The following BICRAL variants were observed in gnomAD, a reference collection of about 807,000 sequenced individuals.
The protein encoded by BICRAL is BICRA like chromatin remodeling complex associated protein, also known as BRD4-interacting chromatin-remodeling complex-associated protein-like.
BICRAL carries 8 observed loss-of-function variants against 91.8 expected under a neutral mutation model. That is an observed-to-expected ratio of 0.09 (90% CI 0.05 to 0.16). BICRAL has a LOEUF of 0.16. BICRAL is among the 10% of genes least tolerant of loss of function. The pLI, the probability that BICRAL is intolerant of heterozygous loss-of-function variation, is 1.00. For synonymous variants in BICRAL, 445 were observed against 491.1 expected, an observed-to-expected ratio of 0.91 and a Z score of 1.24; for missense variants, 1,038 against 1,310.9, an observed-to-expected ratio of 0.79 and a Z score of 3.21.
chr6:42,834,579 C>A (rs1043206318), intron 6 of BICRAL, among the ~76,000 whole-genome samples: 3 of 151,964 alleles, frequency 2.0e-5, no homozygotes, highest in Non-Finnish European at 4.4e-5. Context: ...TTCCCTTTAC[C>A]TTTTTCTTTA....
chr6:42,821,465 G>T (rs1251463645), intron 2 of BICRAL, among the ~76,000 whole-genome samples: 1 of 152,172 alleles, frequency 6.6e-6, no homozygotes, highest in African/African-American at 2.4e-5. Flanking sequence ...TGTGGGACCG[G>T]CCGGCCAGAG....
At chr6:42,823,148 T>C (rs1426131550) in intron 5 of BICRAL, 145 bp downstream of exon 5, 1 of 573,748 alleles carries the variant, frequency 1.7e-6, no homozygotes, top group Non-Finnish European at 3.1e-6. Context: ...TATTTTGAGA[T>C]GGGGCCTCAC....
At chr6:42,844,132 G>A (rs1295497494) in intron 6 of BICRAL, among the ~76,000 whole-genome samples, 1 of 150,874 alleles carries the variant, frequency 6.6e-6, no homozygotes, top group Non-Finnish European at 1.5e-5. Context: ...AGCAATGGGA[G>A]TGGAGGAAAT....
intron 1 of BICRAL, among the ~76,000 whole-genome samples, chr6:42,771,694 G>A (rs1421739143): frequency 6.6e-6 from 1 of 152,004 alleles, no homozygotes; most frequent in Non-Finnish European, 1.5e-5. Flanking sequence ...TAACACCTTG[G>A]TTAAATTGTA....
At chr6:42,835,188 G>A (rs1209997947) in intron 6 of BICRAL, among the ~76,000 whole-genome samples, 1 of 151,812 alleles carries the variant, frequency 6.6e-6, no homozygotes, top group African/African-American at 2.4e-5. Context: ...GAGTGCAATG[G>A]CACGATATCT....
chr6:42,760,217 AC>A (rs771562079), intron 1 of BICRAL, among the ~76,000 whole-genome samples: 8 of 151,190 alleles, frequency 5.3e-5, no homozygotes, highest in Non-Finnish European at 1.2e-4. Context: ...CTGAGATTGC[AC>A]CATTGCACTC....
intron 6 of BICRAL, among the ~76,000 whole-genome samples, chr6:42,840,640 A>G (rs1764766234): frequency 2.0e-5 from 3 of 151,894 alleles, no homozygotes; most frequent in Non-Finnish European, 2.9e-5. Context: ...AGTTCAAGCA[A>G]TTCTCCTGCC....
chr6:42,820,313 A>G (rs979784017), intron 2 of BICRAL, among the ~76,000 whole-genome samples: 2 of 152,210 alleles, frequency 1.3e-5, no homozygotes, highest in Non-Finnish European at 2.9e-5. Flanking sequence ...AAATGAATTC[A>G]CAAAGGATAC....
At chr6:42,814,519 A>ATATATATATTTTTT (rs1237976324) in intron 2 of BICRAL, among the ~76,000 whole-genome samples, 1 of 80,234 alleles carries the variant, frequency 1.2e-5, no homozygotes, top group South Asian at 4.2e-4. Flanking sequence ...ATATATATAT[A>ATATATATATTTTTT]TTTTTTTTTT....
At chr6:42,808,388 C>T (rs563092630) in intron 1 of BICRAL, among the ~76,000 whole-genome samples, 1 of 152,262 alleles carries the variant, frequency 6.6e-6, no homozygotes, top group South Asian at 2.1e-4. Flanking sequence ...CCTCAGCCTC[C>T]CAAAGTGCTG....
At chr6:42,789,751 AGAG>A (rs1278323997) in intron 1 of BICRAL, among the ~76,000 whole-genome samples, 1 of 152,218 alleles carries the variant, frequency 6.6e-6, no homozygotes, top group Admixed American at 6.5e-5. Context: ...CTGAAACTAA[AGAG>A]AAAGTATCTC....
Position 42,829,411 on chromosome 6 carries a change from T to A in BICRAL, c.1078T>A (p.Ser360Thr), listed in dbSNP as rs746389896. 2 of 1,614,194 alleles carry A rather than the reference T, an allele frequency of 1.2e-6. No homozygotes were observed. The highest frequency in any genetic ancestry group is 1.7e-6 in the Non-Finnish European group (2 of 1,180,030). ...PQGSVVGPHM[S>T]VNIVNQQNTR... Reference sequence around the variant, plus strand: ...GGGCTCAGTAGTTGGTCCACACATGTCTGTGAACATTGTAAACCAACAGAA... The same window carrying A: ...GGGCTCAGTAGTTGGTCCACACATGACTGTGAACATTGTAAACCAACAGAA... Residue 360 changes from serine to threonine, a missense_variant, in exon 6 of 13, where the codon TCT (serine) becomes ACT (threonine). Ser to Thr is a moderately conservative substitution (Grantham distance 58, BLOSUM62 1). Around this residue, in one of 5 missense-constraint regions of BICRAL, gnomAD observed 532 missense variants for 724.9 expected, o/e 0.73. Coordinates refer to ENST00000314073, the MANE Select transcript of BICRAL (RefSeq NM_001393499.1).
At chr6:42,756,635 T>G (rs943752112) in intron 1 of BICRAL, among the ~76,000 whole-genome samples, 3 of 151,516 alleles carry the variant, frequency 2.0e-5, no homozygotes, top group Non-Finnish European at 4.4e-5. Flanking sequence ...GCCCCAGAGA[T>G]CTTTTTTTTT....
At chr6:42,841,392 T>C (rs1026265897) in intron 6 of BICRAL, among the ~76,000 whole-genome samples, 1 of 151,988 alleles carries the variant, frequency 6.6e-6, no homozygotes, top group Non-Finnish European at 1.5e-5. Context: ...TTTCACCATA[T>C]TGGCCAGGCT....
At chr6:42,757,997 C>T (rs570375945) in intron 1 of BICRAL, among the ~76,000 whole-genome samples, 1 of 152,196 alleles carries the variant, frequency 6.6e-6, no homozygotes, top group African/African-American at 2.4e-5. Context: ...TGACCATGCT[C>T]ATGACACCAA....
intron 1 of BICRAL, among the ~76,000 whole-genome samples, chr6:42,788,776 A>G (rs1300199105): frequency 6.6e-6 from 1 of 152,236 alleles, no homozygotes; most frequent in East Asian, 1.9e-4. Flanking sequence ...CAACAGGACA[A>G]GGAACTGAGT....
intron 6 of BICRAL, among the ~76,000 whole-genome samples, chr6:42,832,750 T>TAC (rs989523592): frequency 4.6e-5 from 7 of 151,724 alleles, no homozygotes; most frequent in African/African-American, 1.2e-4. Flanking sequence ...CACACAAACA[T>TAC]ACACACACAC....
chr6:42,810,510 A>T (rs1240865587), intron 2 of BICRAL, 109 bp downstream of exon 2: 7 of 152,244 alleles, frequency 4.6e-5, no homozygotes, highest in African/African-American at 1.4e-4. Context: ...AGCACAGAAC[A>T]ATTACAATAT....
At chr6:42,786,323 G>A (rs949330262) in intron 1 of BICRAL, among the ~76,000 whole-genome samples, 2 of 152,204 alleles carry the variant, frequency 1.3e-5, no homozygotes, top group African/African-American at 4.8e-5. Context: ...GGATACCTCT[G>A]TGCAGTCTGT....
Sources: allele counts gnomAD v4.1 joint callset (sites outside exome capture counted in the v4.1 genomes callset), GRCh38; gene constraint gnomAD v4.1.1; regional missense constraint gnomAD v4.1.1; transcripts MANE v1.5; gene names NCBI Gene and HGNC (gene_info 2026-07-23, HGNC 2026-07-21).